Variants in RSRC1 observed in about 807,000 individuals in gnomAD.
RSRC1 encodes the protein arginine and serine rich coiled-coil 1.
Under a neutral mutation model 49.1 loss-of-function variants are expected in RSRC1, and 39 were observed. That is an observed-to-expected ratio of 0.79 (90% confidence interval 0.61 to 1.04). RSRC1 has a LOEUF of 1.04. RSRC1 is among the 50% of genes least tolerant of loss of function. RSRC1 has a pLI of 0.00. For missense variants in RSRC1, 388 were observed against 402.4 expected (o/e 0.96, Z 0.31); for synonymous variants, 143 against 130.8 (o/e 1.09, Z -0.63).
chr3:158,485,482 T>A (rs1738780326), intron 7 of RSRC1, among the ~76,000 whole-genome samples: 1 of 152,090 alleles, frequency 6.6e-6, no homozygotes, highest in African/African-American at 2.4e-5. Context: ...ACCAAGGCAA[T>A]GTATAACACC....
At chr3:158,142,695 T>G (rs1041141693) in intron 3 of RSRC1, among the ~76,000 whole-genome samples, 1 of 152,076 alleles carries the variant, frequency 6.6e-6, no homozygotes, top group Non-Finnish European at 1.5e-5. Flanking sequence ...TCCGTAGAAC[T>G]CACTATCTTG....
intron 4 of RSRC1, among the ~76,000 whole-genome samples, chr3:158,262,055 T>A (rs1363348834): frequency 6.6e-6 from 1 of 152,138 alleles, no homozygotes; most frequent in Non-Finnish European, 1.5e-5. Flanking sequence ...GCCAAAAAGG[T>A]TGGGAACTGT....
chr3:158,484,942 A>G (rs1045030698), intron 7 of RSRC1, among the ~76,000 whole-genome samples: 1 of 152,132 alleles, frequency 6.6e-6, no homozygotes, highest in Non-Finnish European at 1.5e-5. Context: ...GATTCTCTAC[A>G]TGCTAGTTTT....
At chr3:158,134,788 A>G (rs1716261377) in intron 3 of RSRC1, among the ~76,000 whole-genome samples, 1 of 152,236 alleles carries the variant, frequency 6.6e-6, no homozygotes, top group Admixed American at 6.5e-5. Context: ...AAGGTATTCA[A>G]TTAACTTTTA....
chr3:158,236,139 A>G (rs1292129249), intron 4 of RSRC1, among the ~76,000 whole-genome samples: 2 of 151,950 alleles, frequency 1.3e-5, no homozygotes, highest in East Asian at 1.9e-4. Flanking sequence ...GGAAGAAGAA[A>G]AATAAACCCA....
chr3:158,203,215 A>G lies in RSRC1; in HGVS notation c.464A>G (p.Lys155Arg). 1 of 1,603,874 alleles carries G rather than the reference A, an allele frequency of 6.2e-7. No individual in the cohort carries two copies. The highest frequency in any genetic ancestry group is 8.5e-7 in the Non-Finnish European group (1 of 1,174,650). The change falls in exon 4 of 10, where the codon AAG (lysine) becomes AGG (arginine). Residue 155 changes from lysine (K) to arginine (R), a missense_variant. Physicochemically the swap from Lys to Arg is conservative, Grantham distance 26. Transcript: ENST00000611884. The stretch of plus-strand genomic sequence containing the variant: ...AGAGAAAAGGAGAAGGATAAAGGGA[A>G]GGACAAGGAATTACATAACATCAAA... ...EKREKEKDKG[K>R]DKELHNIKRG...
chr3:158,218,647 A>G (rs373735428), intron 4 of RSRC1, among the ~76,000 whole-genome samples: 12 of 151,714 alleles, frequency 7.9e-5, no homozygotes, highest in Admixed American at 2.0e-4. Context: ...GAGTTTTAAC[A>G]TGGTCTCAGG....
At chr3:158,287,703 C>T (rs996694772) in intron 4 of RSRC1, among the ~76,000 whole-genome samples, 3 of 152,122 alleles carry the variant, frequency 2.0e-5, no homozygotes, top group Non-Finnish European at 4.4e-5. Flanking sequence ...AGCTATATAA[C>T]AAGTCAACCA....
rs76205195 is a variant in RSRC1 at position 158,152,251 on chromosome 3, C to T, written c.320+28260C>T. 7.6e-3 allele frequency among the ~76,000 whole-genome samples: 1,157 copies of T among 152,126 alleles called. 19 individuals are homozygous for T. Among genetic ancestry groups the T allele is most frequent in the African/African-American group, 0.027 (1,121 of 41,496 alleles). ...AATCATAATATTAAATAGTGAGCTC[C>T]TTGAGGACAGTGTCTGTGCCGTATT... On this transcript the variant is annotated intron_variant, in intron 3 of 9. Coordinates refer to ENST00000611884, the MANE Select transcript of RSRC1 (RefSeq NM_001271838.2).
At chr3:158,147,059 C>T (rs866557409) in intron 3 of RSRC1, among the ~76,000 whole-genome samples, 1 of 148,764 alleles carries the variant, frequency 6.7e-6, no homozygotes, top group Non-Finnish European at 1.5e-5. Flanking sequence ...CTGCCTCCCC[C>T]TCCCTCTCCA....
chr3:158,264,280 G>C (rs369998764), intron 4 of RSRC1, among the ~76,000 whole-genome samples: 1 of 152,042 alleles, frequency 6.6e-6, no homozygotes, highest in South Asian at 2.1e-4. Flanking sequence ...CTTTCTCCAT[G>C]GGTTATTTAG....
intron 6 of RSRC1, among the ~76,000 whole-genome samples, chr3:158,426,757 G>C (rs1735469613): frequency 6.6e-6 from 1 of 151,762 alleles, no homozygotes; most frequent in South Asian, 2.1e-4. Flanking sequence ...ATGAACTGAA[G>C]AATGAATGAG....
intron 4 of RSRC1, among the ~76,000 whole-genome samples, chr3:158,222,223 T>C (rs1722261034): frequency 6.6e-6 from 1 of 151,558 alleles, no homozygotes; most frequent in Non-Finnish European, 1.5e-5. Context: ...ATATTACTTA[T>C]CAGTCACATA....
At position 158,522,799 on chromosome 3, in the gene RSRC1, G is replaced by C. The variant is rs115078111; in HGVS notation, c.653-14293G>C. On this transcript the variant is annotated intron_variant, in intron 7 of 9. Transcript: ENST00000611884. ...TCTTAAATATATATGCTCACCCTAA[G>C]TTCTTTAAAGTCCCTGAAAAGTTGC... Among the ~76,000 whole-genome samples the C allele has an allele frequency of 7.7e-3, 1,176 of 151,918 alleles. 18 individuals are homozygous for C. The highest frequency in any genetic ancestry group is 0.027 in the African/African-American group (1,118 of 41,444).
At chr3:158,350,393 C>A (rs891781638) in intron 5 of RSRC1, among the ~76,000 whole-genome samples, 1 of 151,002 alleles carries the variant, frequency 6.6e-6, no homozygotes, top group Admixed American at 6.6e-5. Flanking sequence ...AGGCTGGTCT[C>A]GAACTTGTGA....
At chr3:158,404,100 T>A (rs1008593342) in intron 6 of RSRC1, among the ~76,000 whole-genome samples, 6 of 151,914 alleles carry the variant, frequency 3.9e-5, no homozygotes, top group Non-Finnish European at 7.4e-5. Flanking sequence ...TTGCAGAATA[T>A]CTTTCAAGGC....
chr3:158,240,548 T>C (rs1193083346), intron 4 of RSRC1, among the ~76,000 whole-genome samples: 1 of 152,220 alleles, frequency 6.6e-6, no homozygotes, highest in Non-Finnish European at 1.5e-5. Context: ...TAATGATTTT[T>C]AACAATCTTC....
intron 4 of RSRC1, among the ~76,000 whole-genome samples, chr3:158,258,158 C>T (rs1730055): frequency 7.9e-6 from 1 of 126,932 alleles, no homozygotes; most frequent in Admixed American, 8.3e-5. Context: ...CAGATGATTT[C>T]TTATGCTCAT....
At chr3:158,391,113 A>G (rs1733259300) in intron 6 of RSRC1, among the ~76,000 whole-genome samples, 1 of 152,196 alleles carries the variant, frequency 6.6e-6, no homozygotes, top group African/African-American at 2.4e-5. Context: ...TAATTTTATA[A>G]TGATAATGTC....
Sources: gnomAD v4.1 joint callset for allele counts (sites outside exome capture counted in the v4.1 genomes callset) on GRCh38, gnomAD v4.1.1 for gene constraint, MANE v1.5 for transcripts, NCBI Gene and HGNC (gene_info 2026-07-23, HGNC 2026-07-21) for gene names.